Variants in ESRRB observed in about 807,000 individuals in gnomAD.
ESRRB encodes the protein estrogen related receptor beta, also known as steroid hormone receptor ERR2.
In ESRRB, 16 loss-of-function variants were observed where a neutral mutation model predicts 46.0. The ratio of observed to expected loss-of-function variants is 0.35; its 90% CI spans 0.24 to 0.53. The LOEUF is 0.53. ESRRB is among the 20% of genes least tolerant of loss of function. The pLI, the probability that ESRRB is intolerant of heterozygous loss-of-function variation, is 0.93. For synonymous variants in ESRRB, 246 were observed against 259.6 expected, an observed-to-expected ratio of 0.95 and a Z score of 0.50; for missense variants, 488 against 607.4, an observed-to-expected ratio of 0.80 and a Z score of 2.07.
chr14:76,339,985 G>T (rs1472809700), intron 1 of ESRRB, among the ~76,000 whole-genome samples: 1 of 152,054 alleles, frequency 6.6e-6, no homozygotes. Flanking sequence ...TATCAATCAG[G>T]ACTTTAATTA....
At position 76,482,212 on chromosome 14, in the gene ESRRB, C is replaced by A; in HGVS notation, c.688+86C>A. 1 of 993,630 alleles carries A rather than the reference C, an allele frequency of 1.0e-6. No individual in the cohort carries two copies. The highest frequency in any genetic ancestry group is 1.6e-6 in the Non-Finnish European group (1 of 630,754). 61.6% of individuals were successfully genotyped at this position (993,630 alleles called of 1,614,324 possible). ...CCCTTAGGGAAACATCATCTTCCCACCACTGGGTCATGAGACAATGTGGAT... is the reference window on the plus strand; with the variant it reads ...CCCTTAGGGAAACATCATCTTCCCAACACTGGGTCATGAGACAATGTGGAT... On this transcript the variant is annotated intron_variant, in intron 4 of 6. Transcript: ENST00000644823. This position sits in a 1 kb window ranked among gnomAD's most constrained non-coding sequence, Gnocchi z 4.3.
At chr14:76,428,000 G>A (rs1887275865) in intron 1 of ESRRB, among the ~76,000 whole-genome samples, 3 of 152,060 alleles carry the variant, frequency 2.0e-5, no homozygotes, top group Admixed American at 2.0e-4. Context: ...ACAGTAATTG[G>A]GTTATATATA....
intron 1 of ESRRB, among the ~76,000 whole-genome samples, chr14:76,330,825 T>G (rs1259553043): frequency 6.6e-6 from 1 of 152,046 alleles, no homozygotes; most frequent in East Asian, 1.9e-4. Context: ...GGCAGGGGTA[T>G]GCTGAGGAGT....
chr14:76,370,185 C>T (rs142493693), upstream of ESRRB, among the ~76,000 whole-genome samples: 1,714 of 149,666 alleles, frequency 0.011, 41 homozygotes, highest in African/African-American at 0.04. Context: ...GTCAGGAGTT[C>T]GAGACCAGCC....
intron 2 of ESRRB, among the ~76,000 whole-genome samples, chr14:76,450,514 T>G (rs1330804210): frequency 6.6e-6 from 1 of 152,162 alleles, no homozygotes; most frequent in Non-Finnish European, 1.5e-5. Context: ...CACAGGCCAC[T>G]GGGAGTCTTT....
intron 6 of ESRRB, among the ~76,000 whole-genome samples, chr14:76,493,447 G>A (rs1890305472): frequency 6.6e-6 from 1 of 152,110 alleles, no homozygotes; most frequent in Non-Finnish European, 1.5e-5. Context: ...GAGCCACCAC[G>A]CCCAGCCCCA....
intron 3 of ESRRB, among the ~76,000 whole-genome samples, chr14:76,469,930 T>G (rs12888027): frequency 1.1e-5 from 1 of 87,640 alleles, no homozygotes; most frequent in South Asian, 2.7e-4. Context: ...TTTTTTGTTG[T>G]TTTTTTTTTT....
At chr14:76,392,975 C>T (rs552094517) in intron 1 of ESRRB, among the ~76,000 whole-genome samples, 2 of 152,158 alleles carry the variant, frequency 1.3e-5, no homozygotes, top group African/African-American at 2.4e-5. Flanking sequence ...TGTGGCCAGC[C>T]CTGGGAGGGC....
chr14:76,396,723 T>C lies in ESRRB; in HGVS notation c.50+20272T>C, dbSNP rs146377397. On this transcript the variant is annotated intron_variant, in intron 1 of 6. Coordinates refer to ENST00000644823, the MANE Select transcript of ESRRB (RefSeq NM_001379180.1). ...GTGCACATGCTACCAAGCCTGTGCC[T>C]CTGCCTGCAGCAGGACAAACCCAGA... 4.0e-3 allele frequency among the ~76,000 whole-genome samples: 613 copies of C among 152,320 alleles called. 4 individuals are homozygous for C. The highest frequency in any genetic ancestry group is 0.014 in the African/African-American group (592 of 41,568).
chr14:76,326,471 C>CA (rs1208641755), intron 1 of ESRRB, among the ~76,000 whole-genome samples: 1 of 152,110 alleles, frequency 6.6e-6, no homozygotes, highest in Non-Finnish European at 1.5e-5. Flanking sequence ...GCAAAGGGAA[C>CA]AATAAAATCC....
At chr14:76,495,163 C>T (rs541827267) in intron 6 of ESRRB, among the ~76,000 whole-genome samples, 9 of 152,288 alleles carry the variant, frequency 5.9e-5, no homozygotes, top group African/African-American at 1.7e-4. Flanking sequence ...CATACACACA[C>T]ACCCCCACCT....
chr14:76,412,518 G>T (rs1368574062), intron 1 of ESRRB, among the ~76,000 whole-genome samples: 1 of 152,186 alleles, frequency 6.6e-6, no homozygotes, highest in East Asian at 1.9e-4. Flanking sequence ...CCTCCACTGG[G>T]CTGTCGACCT....
At chr14:76,358,479 T>A (rs1884425452) in intron 1 of ESRRB, among the ~76,000 whole-genome samples, 1 of 151,110 alleles carries the variant, frequency 6.6e-6, no homozygotes, top group Non-Finnish European at 1.5e-5. Flanking sequence ...AAGCATGAGC[T>A]GGGGTGCTGC....
At chr14:76,384,761 T>C (rs1434733845) in intron 1 of ESRRB, among the ~76,000 whole-genome samples, 2 of 151,824 alleles carry the variant, frequency 1.3e-5, no homozygotes, top group African/African-American at 4.8e-5. Context: ...CAAGGGGGGG[T>C]TATGACTTGG....
chr14:76,394,083 G>A (rs954855948), intron 1 of ESRRB, among the ~76,000 whole-genome samples: 40 of 151,092 alleles, frequency 2.6e-4, no homozygotes, highest in African/African-American at 9.5e-4. Flanking sequence ...TTACAGGCGT[G>A]AGCCACCGTG....
At chr14:76,315,687 G>A (rs1883791701) in intron 1 of ESRRB, among the ~76,000 whole-genome samples, 1 of 152,168 alleles carries the variant, frequency 6.6e-6, no homozygotes, top group African/African-American at 2.4e-5. Context: ...ATTAAAGACA[G>A]GCTCCCACAC....
intron 1 of ESRRB, among the ~76,000 whole-genome samples, chr14:76,314,540 G>A (rs1466374167): frequency 6.6e-6 from 1 of 152,162 alleles, no homozygotes; most frequent in Non-Finnish European, 1.5e-5. Flanking sequence ...CGAGGGCTCA[G>A]TCTTCCCCTT....
chr14:76,491,333 G>A (rs375295979), intron 5 of ESRRB, 114 bp from the exon 6 acceptor site: 2 of 1,033,992 alleles, frequency 1.9e-6, no homozygotes, highest in African/African-American at 1.6e-5. Context: ...AGGGGTGCCA[G>A]GGACACCCCG....
intron 1 of ESRRB, among the ~76,000 whole-genome samples, chr14:76,401,264 G>A (rs1433665585): frequency 6.6e-6 from 1 of 152,242 alleles, no homozygotes; most frequent in African/African-American, 2.4e-5. Context: ...TCAGATTAAA[G>A]AGACCATGAT....
Sources: gnomAD v4.1 joint callset for allele counts (sites outside exome capture counted in the v4.1 genomes callset) on GRCh38, gnomAD v4.1.1 for gene constraint, Gnocchi (gnomAD v3.1) non-coding constraint, MANE v1.5 for transcripts, NCBI Gene and HGNC (gene_info 2026-07-23, HGNC 2026-07-21) for gene names.